The following KIF6 variants were observed in gnomAD, a reference collection of about 807,000 sequenced individuals.
The protein encoded by KIF6 is kinesin family member 6.
A neutral mutation model predicts 112.7 loss-of-function variants in KIF6; 106 were observed. That is an observed-to-expected ratio of 0.94 (90% CI 0.80 to 1.11). The LOEUF (loss-of-function observed/expected upper bound fraction) is 1.11. KIF6 is among the 50% of genes least tolerant of loss of function. KIF6 has a pLI of 0.00. For missense variants in KIF6, 929 were observed against 964.0 expected (o/e 0.96, Z 0.48); for synonymous variants, 339 against 339.9 (o/e 1.00, Z 0.03).
chr6:39,719,598 A>G (rs987624087), intron 2 of KIF6, among the ~76,000 whole-genome samples: 1 of 152,202 alleles, frequency 6.6e-6, no homozygotes, highest in African/African-American at 2.4e-5. Context: ...ATTAATCTGA[A>G]AATGGAGACT....
At chr6:39,684,540 C>T (rs1314667179) in intron 3 of KIF6, among the ~76,000 whole-genome samples, 2 of 150,966 alleles carry the variant, frequency 1.3e-5, no homozygotes, top group South Asian at 2.1e-4. Flanking sequence ...ACTTTGAACC[C>T]GGGAGGCGGA....
At position 39,346,507 on chromosome 6, in the gene KIF6, G is replaced by A. The variant is rs761081302; in HGVS notation, c.2200C>T (p.Gln734Ter). The change falls in exon 20 of 23, where the codon CAA becomes TAA. Residue 734 changes from glutamine (Q) to a stop codon, truncating the protein, a stop_gained. Coordinates refer to ENST00000287152, the MANE Select transcript of KIF6 (RefSeq NM_145027.6). LOFTEE classifies it high-confidence loss of function. ...TCGAATCTGCCAGTGCCTTGATCTTGGACTTCCCAGCCTCCAGAACTGTGA... is the reference window on the plus strand; with the variant it reads ...TCGAATCTGCCAGTGCCTTGATCTTAGACTTCCCAGCCTCCAGAACTGTGA... ...SNKSSGGWEV[Q>*]DQGTGRFDVC... 16 of 714,086 alleles carry A rather than the reference G, an allele frequency of 2.2e-5. 1 individual carries two copies. The highest frequency in any genetic ancestry group is 2.2e-4 in the South Asian group (15 of 67,322). 44.2% of individuals were successfully genotyped at this position (714,086 alleles called of 1,614,324 possible). A position where few individuals can be genotyped will look rare whatever the true frequency, so the allele number is the denominator to read the frequency against.
intron 3 of KIF6, among the ~76,000 whole-genome samples, chr6:39,682,598 G>T (rs1241057936): frequency 6.6e-6 from 1 of 151,772 alleles, no homozygotes; most frequent in Non-Finnish European, 1.5e-5. Context: ...TATTTTTTTT[G>T]AGATGGAGTC....
intron 13 of KIF6, among the ~76,000 whole-genome samples, chr6:39,447,121 G>A (rs866733063): frequency 1.2e-4 from 18 of 152,156 alleles, no homozygotes; most frequent in Non-Finnish European, 2.2e-4. Context: ...GAGAGACAGT[G>A]GCTGAAATGG....
intron 5 of KIF6, among the ~76,000 whole-genome samples, chr6:39,626,014 T>C (rs1349365497): frequency 6.6e-6 from 1 of 152,032 alleles, no homozygotes; most frequent in Non-Finnish European, 1.5e-5. Context: ...GTATAATCAT[T>C]GTGAGGATGG....
intron 10 of KIF6, among the ~76,000 whole-genome samples, chr6:39,548,491 G>A (rs544289732): frequency 6.6e-6 from 1 of 152,340 alleles, no homozygotes; most frequent in Admixed American, 6.5e-5. Context: ...CTTTTGACAT[G>A]CTATTTTGCT....
chr6:39,416,371 A>G (rs946813664), intron 15 of KIF6, among the ~76,000 whole-genome samples: 1 of 152,224 alleles, frequency 6.6e-6, no homozygotes, highest in African/African-American at 2.4e-5. Flanking sequence ...CAGGGTGTAA[A>G]TGAACATGTG....
chr6:39,667,823 T>C (rs146703700), intron 3 of KIF6, among the ~76,000 whole-genome samples: 277 of 152,238 alleles, frequency 1.8e-3, no homozygotes, highest in African/African-American at 6.2e-3. Flanking sequence ...TCTGATATGG[T>C]TTGGATGTCT....
At chr6:39,508,580 G>C (rs1362348932) in intron 13 of KIF6, among the ~76,000 whole-genome samples, 2 of 152,030 alleles carry the variant, frequency 1.3e-5, no homozygotes, top group Non-Finnish European at 2.9e-5. Flanking sequence ...GGCTCGGTGG[G>C]TCCCATGCCC....
intron 13 of KIF6, among the ~76,000 whole-genome samples, chr6:39,486,714 A>G (rs1379731126): frequency 2.0e-5 from 3 of 152,246 alleles, no homozygotes; most frequent in Admixed American, 6.5e-5. Flanking sequence ...TGAAAGTCCA[A>G]GTGGCTGAAT....
chr6:39,723,499 A>C (rs187719556), intron 1 of KIF6, among the ~76,000 whole-genome samples: 292 of 152,362 alleles, frequency 1.9e-3, no homozygotes, highest in African/African-American at 6.8e-3. Context: ...CTAAATGCCC[A>C]TCAGTGATAG....
chr6:39,591,798 G>A (rs1561844026), intron 7 of KIF6, among the ~76,000 whole-genome samples: 1 of 152,174 alleles, frequency 6.6e-6, no homozygotes, highest in Non-Finnish European at 1.5e-5. Flanking sequence ...GAAAGGCACA[G>A]GAAAATGCGG....
intron 3 of KIF6, among the ~76,000 whole-genome samples, chr6:39,667,589 T>G (rs753149559): frequency 6.6e-6 from 1 of 152,102 alleles, no homozygotes; most frequent in Non-Finnish European, 1.5e-5. Flanking sequence ...CACCTAAAAT[T>G]AAGTCTTCAA....
At chr6:39,423,804 A>T (rs546917857) in intron 14 of KIF6, among the ~76,000 whole-genome samples, 14 of 152,042 alleles carry the variant, frequency 9.2e-5, no homozygotes, top group African/African-American at 3.4e-4. Context: ...TCTATCCTCA[A>T]TATCTATCAG....
At chr6:39,596,314 A>C (rs1782265287) in intron 6 of KIF6, 54 bp from the exon 7 acceptor site, 2 of 1,175,528 alleles carry the variant, frequency 1.7e-6, no homozygotes, top group Admixed American at 3.5e-5. Flanking sequence ...TTTTTAAAGA[A>C]TATCAAAAGA....
chr6:39,719,558 G>A (rs911590587), intron 2 of KIF6, among the ~76,000 whole-genome samples: 1 of 152,090 alleles, frequency 6.6e-6, no homozygotes, highest in African/African-American at 2.4e-5. Context: ...AACTTCCCCA[G>A]AAATCAAAAG....
At chr6:39,633,737 T>C (rs1784470805) in intron 5 of KIF6, among the ~76,000 whole-genome samples, 1 of 152,200 alleles carries the variant, frequency 6.6e-6, no homozygotes, top group Non-Finnish European at 1.5e-5. Context: ...GAGATGTTGC[T>C]AGCTTTCATC....
At chr6:39,586,229 A>G (rs371839193) in intron 8 of KIF6, 32 bp downstream of exon 8, 22 of 1,612,604 alleles carry the variant, frequency 1.4e-5, no homozygotes, top group South Asian at 2.2e-5. Context: ...AAAAACCTAG[A>G]TTAAGATCTC....
intron 3 of KIF6, among the ~76,000 whole-genome samples, chr6:39,666,630 T>G (rs1414271271): frequency 6.6e-6 from 1 of 152,200 alleles, no homozygotes; most frequent in Non-Finnish European, 1.5e-5. Flanking sequence ...TATTAGCAAG[T>G]GTCTTTGGTC....
Sources: allele counts gnomAD v4.1 joint callset (sites outside exome capture counted in the v4.1 genomes callset), GRCh38; gene constraint gnomAD v4.1.1; transcripts MANE v1.5; gene names NCBI Gene and HGNC (gene_info 2026-07-23, HGNC 2026-07-21).